The following NXPE2 variants were observed in gnomAD, a reference collection of about 807,000 sequenced individuals.
The protein encoded by NXPE2 is NXPE family member 2.
NXPE2 carries 34 observed loss-of-function variants against 34.4 expected under a neutral mutation model. The observed-to-expected ratio is 0.99, with a 90% confidence interval of 0.75 to 1.31. The LOEUF (loss-of-function observed/expected upper bound fraction) is 1.31, where lower values mean the gene tolerates loss of function less well. Ranked by LOEUF, NXPE2 falls within the 40% of genes most tolerant of loss-of-function variation. The pLI, the probability that NXPE2 is intolerant of heterozygous loss-of-function variation, is 0.00. For synonymous variants in NXPE2, 235 were observed against 231.3 expected (o/e 1.02, Z -0.15); for missense variants, 649 against 672.5 (o/e 0.97, Z 0.39).
the NXPE2 span, among the ~76,000 whole-genome samples, chr11:114,737,368 A>G: frequency 6.6e-6 from 1 of 152,176 alleles, no homozygotes; most frequent in Admixed American, 6.5e-5. Flanking sequence ...GCATTAGCGG[A>G]TGTCAGTGCT....
the NXPE2 span, among the ~76,000 whole-genome samples, chr11:114,611,043 ATAAGTGTTGCGTCATGGG>A: frequency 6.6e-6 from 1 of 151,756 alleles, no homozygotes; most frequent in East Asian, 2.0e-4. Flanking sequence ...TCTGTGGATT[ATAAGTGTTGCGTCATGGG>A]TAACCACTGT....
the NXPE2 span, among the ~76,000 whole-genome samples, chr11:114,596,501 T>C: frequency 1.9e-4 from 29 of 152,338 alleles, no homozygotes; most frequent in African/African-American, 7.0e-4. Flanking sequence ...TTTAAAAAGA[T>C]GGAATCAAGA....
the NXPE2 span, among the ~76,000 whole-genome samples, chr11:114,475,130 G>A: frequency 1.3e-5 from 2 of 149,784 alleles, no homozygotes; most frequent in East Asian, 4.0e-4. Flanking sequence ...CTGTATGAAG[G>A]AAGCATCATT....
At chr11:114,728,110 T>C in the NXPE2 span, among the ~76,000 whole-genome samples, 2 of 152,000 alleles carry the variant, frequency 1.3e-5, no homozygotes, top group African/African-American at 4.8e-5. Flanking sequence ...CGTCCTCAAA[T>C]CTCTCTTTGA....
chr11:114,586,260 T>G, the NXPE2 span, among the ~76,000 whole-genome samples: 1 of 152,196 alleles, frequency 6.6e-6, no homozygotes, highest in Non-Finnish European at 1.5e-5. Flanking sequence ...ACTCACTCCT[T>G]GTATGTCCAT....
At chr11:114,716,438 G>A in the NXPE2 span, among the ~76,000 whole-genome samples, 5 of 152,128 alleles carry the variant, frequency 3.3e-5, no homozygotes, top group African/African-American at 4.8e-5. Flanking sequence ...AAAAATGCTC[G>A]GGAATATAGG....
the NXPE2 span, among the ~76,000 whole-genome samples, chr11:114,472,207 A>C: frequency 6.6e-6 from 1 of 152,216 alleles, no homozygotes; most frequent in East Asian, 1.9e-4. Context: ...GACAGGATAC[A>C]TGAAACACAT....
chr11:114,625,868 G>A, the NXPE2 span, among the ~76,000 whole-genome samples: 32 of 152,232 alleles, frequency 2.1e-4, no homozygotes, highest in South Asian at 1.0e-3. Context: ...CTCGGGAAGC[G>A]CAAGGGGTCA....
chr11:114,570,439 CAG>C, the NXPE2 span, among the ~76,000 whole-genome samples: 2 of 152,132 alleles, frequency 1.3e-5, no homozygotes, highest in Non-Finnish European at 2.9e-5. Flanking sequence ...GGAGTTCCTA[CAG>C]AGAGAGAAAA....
the NXPE2 span, among the ~76,000 whole-genome samples, chr11:114,737,943 C>T: frequency 2.6e-5 from 4 of 152,192 alleles, no homozygotes; most frequent in South Asian, 6.2e-4. Flanking sequence ...AAAAATTTGC[C>T]GGGCGTGGTG....
chr11:114,749,428 G>A, the NXPE2 span, among the ~76,000 whole-genome samples: 1 of 152,128 alleles, frequency 6.6e-6, no homozygotes, highest in Non-Finnish European at 1.5e-5. Context: ...TATAAAATGG[G>A]GTCAGCACTC....
chr11:114,799,311 A>AAG, the NXPE2 span, among the ~76,000 whole-genome samples: 36 of 133,014 alleles, frequency 2.7e-4, no homozygotes, highest in South Asian at 4.6e-4. Flanking sequence ...AAAAAAAAAA[A>AAG]AAAATTGGTG....
the NXPE2 span, among the ~76,000 whole-genome samples, chr11:114,502,229 C>A: frequency 6.6e-6 from 1 of 151,742 alleles, no homozygotes; most frequent in African/African-American, 2.4e-5. Flanking sequence ...TCTCTTTATG[C>A]TGCCTGGGAC....
chr11:114,673,291 G>T, the NXPE2 span, among the ~76,000 whole-genome samples: 7 of 151,216 alleles, frequency 4.6e-5, no homozygotes, highest in Non-Finnish European at 1.0e-4. Context: ...GAAAATGAAG[G>T]TATAACAAAC....
At chr11:114,633,428 A>G in the NXPE2 span, among the ~76,000 whole-genome samples, 1 of 146,038 alleles carries the variant, frequency 6.8e-6, no homozygotes. Context: ...TATATACAAT[A>G]TAGTATAGTA....
the NXPE2 span, among the ~76,000 whole-genome samples, chr11:114,646,858 A>T: frequency 6.6e-6 from 1 of 152,194 alleles, no homozygotes. Flanking sequence ...GTTTATCCAA[A>T]AAACAAAAAA....
At chr11:114,695,830 A>AACACACACACACACACACACACACAC (rs67132329) in intron 2 of NXPE2, among the ~76,000 whole-genome samples, 136 of 132,622 alleles carry the variant, frequency 1.0e-3, no homozygotes, top group South Asian at 1.7e-3. Flanking sequence ...GTCTCTACTA[A>AACACACACACACACACACACACACAC]ACACACACAC....
chr11:114,812,447 A>C, the NXPE2 span, among the ~76,000 whole-genome samples: 4 of 152,258 alleles, frequency 2.6e-5, no homozygotes, highest in Admixed American at 2.6e-4. Flanking sequence ...GCTCAGTTTT[A>C]TAGAAATGTT....
chr11:114,612,614 A>G, the NXPE2 span, among the ~76,000 whole-genome samples: 2 of 151,894 alleles, frequency 1.3e-5, no homozygotes, highest in Non-Finnish European at 2.9e-5. Flanking sequence ...AACCAGAGTT[A>G]CCCTGTGGAT....
Sources: allele counts gnomAD v4.1 joint callset (sites outside exome capture counted in the v4.1 genomes callset), GRCh38; gene constraint gnomAD v4.1.1; transcripts MANE v1.5; gene names NCBI Gene and HGNC (gene_info 2026-07-23, HGNC 2026-07-21).